Variants in LRCH3 observed in about 807,000 individuals in gnomAD.
LRCH3 encodes the protein DISP complex protein LRCH3.
In LRCH3, 68 loss-of-function variants were observed where a neutral mutation model predicts 104.5. That is an observed-to-expected ratio of 0.65 (90% CI 0.54 to 0.80). The LOEUF is 0.80. Ranked by LOEUF, LRCH3 falls within the 30% of genes least tolerant of loss-of-function variation. The pLI, the probability that LRCH3 is intolerant of heterozygous loss-of-function variation, is 0.00. For synonymous variants in LRCH3, 344 were observed against 361.3 expected (o/e 0.95, Z 0.54); for missense variants, 951 against 953.9 (o/e 1.00, Z 0.04).
At position 197,879,741 on chromosome 3, in the gene LRCH3, C is replaced by T. The variant is rs372931750; in HGVS notation, c.2209-3800C>T. On this transcript the variant is annotated intron_variant, in intron 20 of 20. Coordinates refer to ENST00000425562, the MANE Select transcript of LRCH3 (RefSeq NM_001365715.1). ...TACCCCCGGATCATGAGGCTTTCCT[C>T]AGTCTTTGAACCTTTTTGATGTACA... Among the ~76,000 whole-genome samples the T allele has an allele frequency of 2.5e-4, 38 of 152,282 alleles. No homozygotes were observed. In the East Asian group the frequency reaches 6.6e-3, roughly 26 times the overall value.
intron 15 of LRCH3, 92 bp from the exon 16 acceptor site, chr3:197,865,331 T>A: frequency 1.1e-6 from 1 of 920,102 alleles, no homozygotes; most frequent in South Asian, 1.5e-5. Context: ...GAGTTACCTG[T>A]TTTTTGTCTT....
intron 8 of LRCH3, 101 bp downstream of exon 8, chr3:197,832,418 C>T (rs541812570): frequency 8.9e-7 from 1 of 1,129,798 alleles, no homozygotes; most frequent in Non-Finnish European, 1.2e-6. Flanking sequence ...TCTATAGCTT[C>T]TTCACTCTTC....
At chr3:197,862,476 T>TAGG (rs755902047) in intron 15 of LRCH3, among the ~76,000 whole-genome samples, 3 of 152,142 alleles carry the variant, frequency 2.0e-5, no homozygotes, top group Non-Finnish European at 4.4e-5. Flanking sequence ...GTCCTGTTAA[T>TAGG]AAGTGTTTTT....
intron 17 of LRCH3, among the ~76,000 whole-genome samples, chr3:197,867,878 A>G (rs958503131): frequency 1.3e-5 from 2 of 151,290 alleles, no homozygotes; most frequent in African/African-American, 4.9e-5. Context: ...AACAAACAAA[A>G]AAAGGCATGG....
Position 197,883,444 on chromosome 3 carries a change from T to C in LRCH3, c.2209-97T>C. On this transcript the variant is annotated intron_variant, in intron 20 of 20. Transcript: ENST00000425562. This position sits in a 1 kb window ranked among gnomAD's most constrained non-coding sequence, Gnocchi z 4.2. ...CTAATTTTCATATCTAAGTTGATGA[T>C]TGTGAAGGGGAGAAGTGCTTATTTT... 1 of 1,422,150 alleles carries C rather than the reference T, an allele frequency of 7.0e-7. No individual in the cohort carries two copies. The highest frequency in any genetic ancestry group is 9.3e-7 in the Non-Finnish European group (1 of 1,079,622). The allele number at this position is 1,422,150 out of a possible 1,614,324, so 88.1% of individuals were successfully genotyped here.
intron 20 of LRCH3, among the ~76,000 whole-genome samples, chr3:197,879,449 ATCCT>A (rs1713322072): frequency 6.6e-6 from 1 of 151,302 alleles, no homozygotes; most frequent in Non-Finnish European, 1.5e-5. Context: ...GATCGAGACC[ATCCT>A]GGCTAACATG....
chr3:197,883,593 T>C lies in LRCH3; in HGVS notation c.2261T>C (p.Val754Ala), dbSNP rs1252181362. Residue 754 changes from valine to alanine, a missense_variant, in exon 21 of 21, where the codon GTT becomes GCT. By Grantham distance (64) the Val-to-Ala change is moderately conservative (BLOSUM62 0). Transcript: ENST00000425562. This position sits in a 1 kb window ranked among gnomAD's most constrained non-coding sequence, Gnocchi z 4.2. ...TTAGAAGAGAAAGGTTTGAGCCAGG[T>C]TGCAGTGACGGTCCAGGCTCTCCTG... ...HILEEKGLSQ[V>A]AVTVQALLEL... The C allele has an allele frequency of 1.3e-6, 2 of 1,536,112 alleles. No individual in the cohort carries two copies. The highest frequency in any genetic ancestry group is 2.4e-5 in the East Asian group (1 of 40,916).
At chr3:197,839,229 T>C (rs1737417227) in intron 9 of LRCH3, 92 bp from the exon 10 acceptor site, 1 of 803,014 alleles carries the variant, frequency 1.2e-6, no homozygotes, top group Non-Finnish European at 1.9e-6. Context: ...TAGTGTAATA[T>C]ATAAATTAAA....
intron 8 of LRCH3, among the ~76,000 whole-genome samples, chr3:197,834,177 A>C (rs1736371650): frequency 6.6e-6 from 1 of 152,190 alleles, no homozygotes; most frequent in Non-Finnish European, 1.5e-5. Context: ...AAACTATCTT[A>C]GTAGGAAGTT....
chr3:197,822,566 A>AT (rs1011325098), intron 4 of LRCH3, among the ~76,000 whole-genome samples: 13 of 152,148 alleles, frequency 8.5e-5, no homozygotes, highest in African/African-American at 2.9e-4. Flanking sequence ...AATAGTTTCA[A>AT]TTTTTTTAAC....
intron 4 of LRCH3, among the ~76,000 whole-genome samples, chr3:197,824,798 C>G (rs960537173): frequency 3.3e-5 from 5 of 151,860 alleles, no homozygotes; most frequent in Non-Finnish European, 7.4e-5. Flanking sequence ...TCTTGAACTT[C>G]TGACCTCGTG....
At position 197,851,654 on chromosome 3, in the gene LRCH3, A is replaced by G. The variant is rs9755949; in HGVS notation, c.1531-907A>G. ...CTCCTGTGTGTGATATTTAACTATT[A>G]AATATTAACTATCTCAGAATTATTA... is the stretch of plus-strand genomic sequence containing the variant. On this transcript the variant is annotated intron_variant, in intron 12 of 20. Coordinates refer to ENST00000425562, the MANE Select transcript of LRCH3 (RefSeq NM_001365715.1). Among the ~76,000 whole-genome samples the G allele has an allele frequency of 5.0e-3, 758 of 152,336 alleles. 7 individuals carry two copies. Among genetic ancestry groups the G allele is most frequent in the African/African-American group, 0.017 (722 of 41,576 alleles).
intron 1 of LRCH3, among the ~76,000 whole-genome samples, chr3:197,814,013 T>C (rs1733527090): frequency 6.6e-6 from 1 of 152,232 alleles, no homozygotes; most frequent in Non-Finnish European, 1.5e-5. Flanking sequence ...GATACCTTTA[T>C]ATAGGGAAGG....
chr3:197,828,377 G>C (rs749051481), intron 5 of LRCH3, among the ~76,000 whole-genome samples: 9 of 151,572 alleles, frequency 5.9e-5, no homozygotes, highest in Non-Finnish European at 7.4e-5. Flanking sequence ...AAGGAGTCTC[G>C]CTCTGTTGCC....
rs57105492 is a variant in LRCH3 at position 197,807,218 on chromosome 3, A to ATTT, written c.263-7676_263-7674dup. Among the ~76,000 whole-genome samples the ATTT allele has an allele frequency of 2.2e-4, 30 of 134,598 alleles. 1 individual carries two copies. Among genetic ancestry groups the ATTT allele is most frequent in the African/African-American group, 8.2e-4 (30 of 36,512 alleles). The allele number at this position is 134,598 out of a possible 152,430, so 88.3% of individuals were successfully genotyped here. ...TTTCTTGTAAATAACATAGAGTTGC[A>ATTT]TTTTTTTTTTTTTTTTGAGACGGAG... On this transcript the variant is annotated intron_variant, in intron 1 of 20. Coordinates refer to ENST00000425562, the MANE Select transcript of LRCH3 (RefSeq NM_001365715.1).
chr3:197,800,616 A>C (rs1418038069), intron 1 of LRCH3, among the ~76,000 whole-genome samples: 1 of 152,230 alleles, frequency 6.6e-6, no homozygotes, highest in Non-Finnish European at 1.5e-5. Context: ...ACGATCCAGG[A>C]AGGTTTAAAA....
At chr3:197,828,597 G>T (rs941836688) in intron 5 of LRCH3, among the ~76,000 whole-genome samples, 1 of 151,218 alleles carries the variant, frequency 6.6e-6, no homozygotes, top group South Asian at 2.1e-4. Flanking sequence ...CACCTGCCTC[G>T]GCCTCCCAAA....
Position 197,870,178 on chromosome 3 carries a change from C to T in LRCH3, c.1892C>T (p.Pro631Leu), listed in dbSNP as rs1204242250. ...ETNKGHASPL[P>L]PSAAPTTDST... Reference sequence around the variant, plus strand: ...TTTATAGGTCATGCTTCACCCCTTCCTCCATCTGCTGCACCTACCACTGAT... The same window carrying T: ...TTTATAGGTCATGCTTCACCCCTTCTTCCATCTGCTGCACCTACCACTGAT... Residue 631 changes from proline (P) to leucine (L), a missense_variant, in exon 18 of 21, where the codon CCT becomes CTT. By Grantham distance (98) the Pro-to-Leu change is moderately conservative. Coordinates refer to ENST00000425562, the MANE Select transcript of LRCH3 (RefSeq NM_001365715.1). The T allele has an allele frequency of 1.2e-6, 2 of 1,612,828 alleles. No homozygotes were observed. Among genetic ancestry groups the T allele is most frequent in the Non-Finnish European group, 1.7e-6 (2 of 1,179,038 alleles).
chr3:197,794,670 T>C (rs761197004), intron 1 of LRCH3, among the ~76,000 whole-genome samples: 5 of 152,198 alleles, frequency 3.3e-5, no homozygotes, highest in African/African-American at 4.8e-5. Flanking sequence ...TTTGAACTTA[T>C]TGGGAACGTT....
Sources: gnomAD v4.1 joint callset for allele counts (sites outside exome capture counted in the v4.1 genomes callset) on GRCh38, gnomAD v4.1.1 for gene constraint, Gnocchi (gnomAD v3.1) non-coding constraint, MANE v1.5 for transcripts, NCBI Gene and HGNC (gene_info 2026-07-23, HGNC 2026-07-21) for gene names.